LYST: variants seen among roughly 807,000 people sequenced by gnomAD.
LYST encodes lysosomal-trafficking regulator.
Under a neutral mutation model 413.6 loss-of-function variants are expected in LYST, and 192 were observed. The observed-to-expected ratio is 0.46, with a 90% CI of 0.41 to 0.52. LYST has a LOEUF of 0.52. Ranked by LOEUF, LYST falls within the 20% of genes least tolerant of loss-of-function variation. The probability of loss-of-function intolerance (pLI) is 0.00; values close to 1 mark genes in which losing one functional copy is unlikely to be tolerated. For missense variants in LYST, 3,815 were observed against 4,499.9 expected (o/e 0.85, Z 4.35); for synonymous variants, 1,525 against 1,567.3 (o/e 0.97, Z 0.64).
At chr1:235,708,473 A>G (rs1662158403) in intron 44 of LYST, among the ~76,000 whole-genome samples, 1 of 152,208 alleles carries the variant, frequency 6.6e-6, no homozygotes, top group African/African-American at 2.4e-5. Flanking sequence ...GGATTTCAGG[A>G]GAGGTCCTAC....
Position 235,677,142 on chromosome 1 carries a change from C to T in LYST, c.10987G>A (p.Ala3663Thr), listed in dbSNP as rs773677611. 1 of 1,613,910 alleles carries T rather than the reference C, an allele frequency of 6.2e-7. No homozygotes were observed. The highest frequency in any genetic ancestry group is 1.3e-5 in the African/African-American group (1 of 74,912). Residue 3663 changes from alanine to threonine, a missense_variant, in exon 50 of 53, where the codon GCT becomes ACT. Around this residue, in one of 4 missense-constraint regions of LYST, gnomAD observed 866 missense variants for 1,156.0 expected, o/e 0.75. Coordinates refer to ENST00000389793, the MANE Select transcript of LYST (RefSeq NM_000081.4). ...CCTGAGGTTTCACTGGCAGAGACAG[C>T]TGTGACAGGGCTTTTGTGTCCCGCC... ...SLAGHKSPVT[A>T]VSASETSGDI...
upstream of LYST, among the ~76,000 whole-genome samples, chr1:235,868,933 G>A (rs1244499742): frequency 1.3e-5 from 2 of 152,036 alleles, no homozygotes; most frequent in African/African-American, 2.4e-5. Flanking sequence ...GACCTCAGGT[G>A]ATCCACCCAC....
chr1:235,761,575 C>T (rs1233077185), intron 22 of LYST, among the ~76,000 whole-genome samples: 1 of 152,086 alleles, frequency 6.6e-6, no homozygotes, highest in East Asian at 1.9e-4. Flanking sequence ...TAAAGCTCTG[C>T]TACAACTTTC....
In LYST at chr1:235,762,816, T is replaced by C. The variant is rs776653360; in HGVS notation, c.6157A>G (p.Met2053Val). Residue 2053 changes from methionine (M) to valine (V), a missense_variant, in exon 22 of 53, where the codon ATG becomes GTG. By Grantham distance (21) the Met-to-Val change is conservative. Transcript: ENST00000389793. ...CCACTGCTGGAATGCCTCAGGTACA[T>C]GATTGACCGCACTTTCTCCTGAAAG... ...KIFQEKVRSI[M>V]YLRHSSSGGR... 5.6e-6 allele frequency: 9 copies of C among 1,613,580 alleles called. No homozygotes were observed. In the East Asian group the frequency reaches 2.0e-4, roughly 36 times the overall value.
intron 1 of LYST, among the ~76,000 whole-genome samples, chr1:235,880,830 G>T (rs78772920): frequency 0.02 from 3,076 of 152,162 alleles, 64 homozygotes; most frequent in Non-Finnish European, 0.029. Flanking sequence ...TTCCTTTAAA[G>T]AATTCCATTT....
chr1:235,747,146 G>A (rs983686772), intron 28 of LYST: 5 of 370,022 alleles, frequency 1.4e-5, no homozygotes, highest in African/African-American at 1.1e-4. Context: ...AGAGAGGAGT[G>A]GCATTCCTGC....
At chr1:235,755,443 A>G (rs759336491) in intron 25 of LYST, 35 bp downstream of exon 25, 1 of 1,526,304 alleles carries the variant, frequency 6.6e-7, no homozygotes, top group Non-Finnish European at 9.0e-7. Flanking sequence ...AAGACAAAAG[A>G]TTCCCAATTA....
At chr1:235,831,713 T>C (rs1041953847) in intron 2 of LYST, among the ~76,000 whole-genome samples, 1 of 152,192 alleles carries the variant, frequency 6.6e-6, no homozygotes, top group Non-Finnish European at 1.5e-5. Context: ...TTTTTGAATA[T>C]TAGAAAGGAG....
Position 235,674,717 on chromosome 1 carries a change from C to T in LYST, c.11038+2374G>A, listed in dbSNP as rs763811307. 3.9e-5 allele frequency among the ~76,000 whole-genome samples: 6 copies of T among 152,122 alleles called. No homozygotes were observed. The highest frequency in any genetic ancestry group is 8.8e-5 in the Non-Finnish European group (6 of 68,008). On this transcript the variant is annotated intron_variant, in intron 50 of 52. Coordinates refer to ENST00000389793, the MANE Select transcript of LYST (RefSeq NM_000081.4). This position sits in a 1 kb window ranked among gnomAD's most constrained non-coding sequence, Gnocchi z 4.1. Reference sequence around the variant, plus strand: ...TTAACATAATATTGGCCAAAAAGGGCGGGGTCTGTGTCATGATTGGAGTCC... The same window carrying T: ...TTAACATAATATTGGCCAAAAAGGGTGGGGTCTGTGTCATGATTGGAGTCC...
At chr1:235,786,956 G>A (rs1670486266) in intron 14 of LYST, 1 of 324,858 alleles carries the variant, frequency 3.1e-6, no homozygotes, top group Non-Finnish European at 6.0e-6. Flanking sequence ...TAAATGACGA[G>A]TTAATGGGTG....
chr1:235,765,397 C>A lies in LYST; in HGVS notation c.6121+682G>T, dbSNP rs75973109. On this transcript the variant is annotated intron_variant, in intron 21 of 52. Coordinates refer to ENST00000389793, the MANE Select transcript of LYST (RefSeq NM_000081.4). Reference sequence around the variant, plus strand: ...AGTTCCTTATTCCTGAATTCTACTGCAATAATTTACTTATAGCCTTTGCTC... The same window carrying A: ...AGTTCCTTATTCCTGAATTCTACTGAAATAATTTACTTATAGCCTTTGCTC... Among the ~76,000 whole-genome samples the A allele has an allele frequency of 2.4e-3, 365 of 152,274 alleles. 1 individual carries two copies. Among genetic ancestry groups the A allele is most frequent in the African/African-American group, 8.5e-3 (352 of 41,558 alleles).
chr1:235,705,287 A>T (rs1337695703), intron 44 of LYST, among the ~76,000 whole-genome samples: 1 of 152,154 alleles, frequency 6.6e-6, no homozygotes, highest in Non-Finnish European at 1.5e-5. Flanking sequence ...GATGGCATAA[A>T]CTTTATCCTT....
At chr1:235,767,922 C>G (rs968369487) in intron 20 of LYST, among the ~76,000 whole-genome samples, 1 of 152,036 alleles carries the variant, frequency 6.6e-6, no homozygotes, top group Non-Finnish European at 1.5e-5. Flanking sequence ...TGTTCTTCCC[C>G]CTCTGCCGAC....
intron 48 of LYST, among the ~76,000 whole-genome samples, chr1:235,682,345 AGAG>A (rs1171188164): frequency 6.6e-6 from 1 of 152,180 alleles, no homozygotes. Flanking sequence ...AAGTGGAGAA[AGAG>A]AAGAGCAACA....
chr1:235,872,332 A>G (rs1165663207), intron 1 of LYST, among the ~76,000 whole-genome samples: 1 of 151,836 alleles, frequency 6.6e-6, no homozygotes, highest in Non-Finnish European at 1.5e-5. Context: ...TTTATGTAAC[A>G]TGGAAGACTT....
In LYST at chr1:235,810,114, G is replaced by C; in HGVS notation, c.704C>G (p.Thr235Ser). 1 of 1,614,108 alleles carries C rather than the reference G, an allele frequency of 6.2e-7. No homozygotes were observed. Among genetic ancestry groups the C allele is most frequent in the Non-Finnish European group, 8.5e-7 (1 of 1,179,966 alleles). ...GGCAGCTGGCTCACTTAAAATGTCA[G>C]TGTTTGACCCCTGTCTTGGAATAAT... ...REIIPRQGSN[T>S]DILSEPAALS... Residue 235 changes from threonine to serine, a missense_variant, in exon 5 of 53, where the codon ACT (threonine) becomes AGT (serine). Around this residue, in one of 4 missense-constraint regions of LYST, gnomAD observed 1,648 missense variants for 1,810.3 expected, o/e 0.91. Coordinates refer to ENST00000389793, the MANE Select transcript of LYST (RefSeq NM_000081.4).
At chr1:235,668,309 A>C (rs1658667216) in intron 50 of LYST, among the ~76,000 whole-genome samples, 1 of 152,160 alleles carries the variant, frequency 6.6e-6, no homozygotes, top group African/African-American at 2.4e-5. Flanking sequence ...CTTGGCCTAC[A>C]AGAAAATAGG....
intron 1 of LYST, among the ~76,000 whole-genome samples, chr1:235,842,530 C>G (rs1372131339): frequency 6.6e-6 from 1 of 152,182 alleles, no homozygotes; most frequent in Admixed American, 6.5e-5. Context: ...CTGTTGTATT[C>G]ACTGCTAAAT....
chr1:235,786,663 T>C (rs1299926285), intron 14 of LYST, among the ~76,000 whole-genome samples: 1 of 151,950 alleles, frequency 6.6e-6, no homozygotes, highest in Admixed American at 6.6e-5. Flanking sequence ...TGTCCATCAA[T>C]GATAGACTGG....
Sources: allele counts gnomAD v4.1 joint callset (sites outside exome capture counted in the v4.1 genomes callset), GRCh38; gene constraint gnomAD v4.1.1; regional missense constraint gnomAD v4.1.1; non-coding constraint Gnocchi (gnomAD v3.1); transcripts MANE v1.5; gene names NCBI Gene and HGNC (gene_info 2026-07-23, HGNC 2026-07-21).